Variants in WWOX observed in about 807,000 individuals in gnomAD.
WWOX encodes WW domain-containing oxidoreductase.
WWOX carries 69 observed loss-of-function variants against 46.2 expected under a neutral mutation model. The observed-to-expected ratio is 1.49, with a 90% confidence interval of 1.23 to 1.82. WWOX has a LOEUF of 1.82. Among genes scored for constraint, WWOX ranks in the 40% most tolerant of loss-of-function variants. The pLI is 0.00. For synonymous variants in WWOX, 359 were observed against 202.6 expected, an observed-to-expected ratio of 1.77 and a Z score of -6.56; for missense variants, 919 against 542.6, an observed-to-expected ratio of 1.69 and a Z score of -6.89.
At chr16:79,084,342 C>T (rs1178434706) in intron 8 of WWOX, among the ~76,000 whole-genome samples, 1 of 152,148 alleles carries the variant, frequency 6.6e-6, no homozygotes, top group Non-Finnish European at 1.5e-5. Context: ...AAAAATAAGT[C>T]ATAAGAACAA....
At chr16:79,132,765 C>A (rs2049906861) in intron 8 of WWOX, among the ~76,000 whole-genome samples, 1 of 152,170 alleles carries the variant, frequency 6.6e-6, no homozygotes, top group Admixed American at 6.5e-5. Flanking sequence ...ATTCTAAATT[C>A]AGTTTTGAAT....
At chr16:79,037,840 A>G (rs938447935) in intron 8 of WWOX, among the ~76,000 whole-genome samples, 4 of 151,836 alleles carry the variant, frequency 2.6e-5, no homozygotes, top group African/African-American at 7.3e-5. Context: ...TCAGCATTCC[A>G]TCCAGCTCCT....
intron 1 of WWOX, among the ~76,000 whole-genome samples, chr16:78,100,626 C>A (rs72801001): frequency 0.22 from 34,145 of 152,162 alleles, 4,631 homozygotes; most frequent in Non-Finnish European, 0.3. Context: ...CCCAGCAGAG[C>A]CTTCATCTTT....
At chr16:78,900,506 G>C (rs1296873497) in intron 8 of WWOX, among the ~76,000 whole-genome samples, 2 of 152,184 alleles carry the variant, frequency 1.3e-5, no homozygotes, top group Non-Finnish European at 2.9e-5. Flanking sequence ...GAAACCCACA[G>C]AGGTCCCTAT....
chr16:78,862,179 G>T (rs1031451495), intron 8 of WWOX, among the ~76,000 whole-genome samples: 10 of 139,914 alleles, frequency 7.1e-5, no homozygotes, highest in East Asian at 2.1e-4. Flanking sequence ...TATACACACC[G>T]ATGGGTGTGT....
rs189153389 is a variant in WWOX, at chr16:79,182,270, C to T, written c.1057-29338C>T. 9.9e-5 allele frequency among the ~76,000 whole-genome samples: 15 copies of T among 152,216 alleles called. No homozygotes were observed. The East Asian group carries it at 1.7e-3, about 18-fold the overall frequency. ...CTTTGTACTGCACACTGTAGGGTAT[C>T]CAGGATTCCTGGCCCTGCCCCATGA... On this transcript the variant is annotated intron_variant, in intron 8 of 8. Coordinates refer to ENST00000566780, the MANE Select transcript of WWOX (RefSeq NM_016373.4).
In WWOX at chr16:78,109,782, G is replaced by C. The variant is rs771850922; in HGVS notation, c.177G>C (p.Leu59Phe). 6 of 1,613,996 alleles carry C rather than the reference G, an allele frequency of 3.7e-6. No homozygotes were observed. In the African/African-American group the frequency reaches 4.0e-5, roughly 11 times the overall value. Residue 59 changes from leucine (L) to phenylalanine (F), a missense_variant, in exon 3 of 9, where the codon TTG becomes TTC. Physicochemically the swap from Leu to Phe is conservative, Grantham distance 22. Coordinates refer to ENST00000566780, the MANE Select transcript of WWOX (RefSeq NM_016373.4). ...CCTGTCTTTCTTGTGTTTCAGATTT[G>C]CCATACGGATGGGAACAAGAAACTG... is the stretch of plus-strand genomic sequence containing the variant. The part of the protein sequence containing the change: ...TGKRKRVAGD[L>F]PYGWEQETDE...
chr16:78,910,443 C>G (rs958411153), intron 8 of WWOX, among the ~76,000 whole-genome samples: 1 of 151,824 alleles, frequency 6.6e-6, no homozygotes. Context: ...TGCAGGAGAA[C>G]CTTGTTCATC....
intron 4 of WWOX, among the ~76,000 whole-genome samples, chr16:78,119,537 G>T (rs772781543): frequency 6.6e-6 from 1 of 152,040 alleles, no homozygotes; most frequent in Non-Finnish European, 1.5e-5. Context: ...GATGTTTGTT[G>T]GAGCGCATGC....
At position 78,803,301 on chromosome 16, in the gene WWOX, C is replaced by G. The variant is rs975924283; in HGVS notation, c.1056+370549C>G. Reference sequence around the variant, plus strand: ...CTCTTGTGTGTTATTGTAGTGGCTTCGCAGAGTATTTATTTGGCCAGAAAG... The same window carrying G: ...CTCTTGTGTGTTATTGTAGTGGCTTGGCAGAGTATTTATTTGGCCAGAAAG... On this transcript the variant is annotated intron_variant, in intron 8 of 8. Coordinates refer to ENST00000566780, the MANE Select transcript of WWOX (RefSeq NM_016373.4). Among the ~76,000 whole-genome samples the G allele has an allele frequency of 3.3e-5, 5 of 151,382 alleles. No individual in the cohort carries two copies. The South Asian group carries it at 6.3e-4, about 19-fold the overall frequency.
chr16:78,801,660 A>G (rs1474481209), intron 8 of WWOX, among the ~76,000 whole-genome samples: 1 of 152,220 alleles, frequency 6.6e-6, no homozygotes, highest in East Asian at 1.9e-4. Context: ...GAATGAAGTT[A>G]TCCACAGAGT....
intron 8 of WWOX, among the ~76,000 whole-genome samples, chr16:78,922,535 C>T (rs1567651283): frequency 6.6e-6 from 1 of 152,074 alleles, no homozygotes; most frequent in Non-Finnish European, 1.5e-5. Context: ...TGCACAACAA[C>T]ACCCAGCTAA....
chr16:79,081,512 G>C lies in WWOX; in HGVS notation c.1057-130096G>C, dbSNP rs754719232. On this transcript the variant is annotated intron_variant, in intron 8 of 8. Transcript: ENST00000566780. ...ATTTTCATGGCGATGTGTTATAACA[G>C]GACAGACCTTGTACTTTGGAATCAA... Among the ~76,000 whole-genome samples the C allele has an allele frequency of 6.2e-4, 95 of 152,108 alleles. 1 individual carries two copies. Among genetic ancestry groups the C allele is most frequent in the South Asian group, 1.2e-3 (6 of 4,828 alleles).
intron 5 of WWOX, among the ~76,000 whole-genome samples, chr16:78,259,413 G>C (rs1224737336): frequency 6.6e-6 from 1 of 152,102 alleles, no homozygotes; most frequent in African/African-American, 2.4e-5. Context: ...TGCAACCTCT[G>C]CCTCCCGGGT....
chr16:78,670,965 A>C (rs902896977), intron 8 of WWOX, among the ~76,000 whole-genome samples: 1 of 151,950 alleles, frequency 6.6e-6, no homozygotes, highest in African/African-American at 2.4e-5. Context: ...GACAGAAGTA[A>C]AGATTGGAGT....
Position 78,968,142 on chromosome 16 carries a change from ACAGCGCG to A in WWOX, c.1057-243465_1057-243459del, listed in dbSNP as rs1567446094. ...TGGCACAGCGCGTGGTCCGTGTGGC[ACAGCGCG>A]TGGTCCGCGTGGCACAGCGCGTGGT... is the stretch of plus-strand genomic sequence containing the variant. On this transcript the variant is annotated intron_variant, in intron 8 of 8. Coordinates refer to ENST00000566780, the MANE Select transcript of WWOX (RefSeq NM_016373.4). 2.0e-3 allele frequency among the ~76,000 whole-genome samples: 305 copies of A among 150,828 alleles called. 1 individual carries two copies. Among genetic ancestry groups the A allele is most frequent in the African/African-American group, 7.0e-3 (286 of 40,826 alleles).
At chr16:78,910,825 C>G (rs1212123930) in intron 8 of WWOX, among the ~76,000 whole-genome samples, 2 of 151,852 alleles carry the variant, frequency 1.3e-5, no homozygotes, top group African/African-American at 4.8e-5. Context: ...CCGGGTCCCT[C>G]CCATGACGTG....
intron 6 of WWOX, among the ~76,000 whole-genome samples, chr16:78,397,484 C>T (rs1240170977): frequency 6.6e-6 from 1 of 152,172 alleles, no homozygotes. Flanking sequence ...AGAACCTCAA[C>T]CAAGTTCATG....
chr16:79,021,222 G>T (rs1436644650), intron 8 of WWOX, among the ~76,000 whole-genome samples: 1 of 152,140 alleles, frequency 6.6e-6, no homozygotes, highest in African/African-American at 2.4e-5. Flanking sequence ...TAGTTTTTCA[G>T]TCACTTTGCC....
Sources: gnomAD v4.1 joint callset for allele counts (sites outside exome capture counted in the v4.1 genomes callset) on GRCh38, gnomAD v4.1.1 for gene constraint, MANE v1.5 for transcripts, NCBI Gene and HGNC (gene_info 2026-07-23, HGNC 2026-07-21) for gene names.